The following FAM13A variants were observed in gnomAD, a reference collection of about 807,000 sequenced individuals.
FAM13A encodes family with sequence similarity 13 member A.
A neutral mutation model predicts 129.6 loss-of-function variants in FAM13A; 76 were observed. That is an observed-to-expected ratio of 0.59 (90% CI 0.49 to 0.71). The LOEUF (loss-of-function observed/expected upper bound fraction) is 0.71. Among genes scored for constraint, FAM13A ranks in the 30% least tolerant of loss-of-function variants. The pLI is 0.00. For synonymous variants in FAM13A, 443 were observed against 449.9 expected, an observed-to-expected ratio of 0.98 and a Z score of 0.20; for missense variants, 1,108 against 1,249.3, an observed-to-expected ratio of 0.89 and a Z score of 1.70.
chr4:89,053,625 T>C (rs1408562732), intron 1 of FAM13A, among the ~76,000 whole-genome samples: 2 of 152,098 alleles, frequency 1.3e-5, no homozygotes, highest in Non-Finnish European at 2.9e-5. Flanking sequence ...CTACGAGGCC[T>C]GGGGCATTCT....
intron 5 of FAM13A, chr4:88,937,812 C>T (rs180677100): frequency 4.2e-5 from 20 of 473,572 alleles, no homozygotes; most frequent in East Asian, 2.7e-4. Context: ...AAAGGTGGTG[C>T]GGCCAGTTGA....
At chr4:88,900,376 A>G (rs1747093676) in intron 6 of FAM13A, among the ~76,000 whole-genome samples, 1 of 152,028 alleles carries the variant, frequency 6.6e-6, no homozygotes, top group Admixed American at 6.6e-5. Context: ...TGAAAGAAAA[A>G]ATGTTAAGGG....
intron 6 of FAM13A, among the ~76,000 whole-genome samples, chr4:88,878,432 AT>A (rs1353317273): frequency 1.3e-5 from 2 of 151,826 alleles, no homozygotes; most frequent in Admixed American, 6.6e-5. Flanking sequence ...CTGGTAATGC[AT>A]TTTTTTCCTC....
At chr4:89,053,584 G>A (rs1041779193) in intron 1 of FAM13A, among the ~76,000 whole-genome samples, 1 of 152,076 alleles carries the variant, frequency 6.6e-6, no homozygotes. Flanking sequence ...TAAGACTACA[G>A]AAGCAGAGGT....
chr4:88,900,266 C>A (rs1484790451), intron 6 of FAM13A, among the ~76,000 whole-genome samples: 1 of 151,942 alleles, frequency 6.6e-6, no homozygotes, highest in Non-Finnish European at 1.5e-5. Flanking sequence ...AACAAGACAG[C>A]CCAACATTCA....
intron 7 of FAM13A, among the ~76,000 whole-genome samples, chr4:88,821,325 G>A (rs1219147529): frequency 2.0e-5 from 3 of 152,086 alleles, no homozygotes; most frequent in East Asian, 1.9e-4. Flanking sequence ...ACGTAACAGC[G>A]CTCTTCAGAA....
intron 8 of FAM13A, among the ~76,000 whole-genome samples, chr4:88,793,199 C>T (rs140741684): frequency 9.2e-4 from 140 of 152,046 alleles, no homozygotes; most frequent in Middle Eastern, 6.8e-3. Flanking sequence ...TTTTTAAATA[C>T]TGTAATCTAA....
At chr4:88,852,668 CTTA>C (rs1737805585) in intron 6 of FAM13A, among the ~76,000 whole-genome samples, 1 of 152,098 alleles carries the variant, frequency 6.6e-6, no homozygotes, top group Admixed American at 6.5e-5. Flanking sequence ...TTTTATTCTT[CTTA>C]TTAACATTTT....
Position 88,802,068 on chromosome 4 carries a change from T to C in FAM13A, c.1049+2943A>G, listed in dbSNP as rs149692689. ...CACCACCACCAAGTTGTTTTGATGC[T>C]CAGCTGAGCAACTGAGGTAGGGGCC... On this transcript the variant is annotated intron_variant, in intron 8 of 23. Transcript: ENST00000264344. Among the ~76,000 whole-genome samples the C allele has an allele frequency of 2.7e-3, 413 of 152,208 alleles. 2 individuals carry two copies. Among genetic ancestry groups the C allele is most frequent in the Non-Finnish European group, 4.1e-3 (281 of 67,986 alleles).
intron 2 of FAM13A, among the ~76,000 whole-genome samples, chr4:89,024,340 C>A (rs528569355): frequency 6.6e-5 from 10 of 152,120 alleles, no homozygotes; most frequent in African/African-American, 2.2e-4. Flanking sequence ...GAGAAAGAAG[C>A]CGTTAACATT....
chr4:88,850,556 C>T (rs1737394619), intron 7 of FAM13A, among the ~76,000 whole-genome samples: 1 of 145,480 alleles, frequency 6.9e-6, no homozygotes, highest in Non-Finnish European at 1.5e-5. Context: ...GACTGTGTCT[C>T]AAAAAAAAAA....
chr4:88,928,713 G>GC (rs1752587645), intron 5 of FAM13A, among the ~76,000 whole-genome samples: 1 of 151,384 alleles, frequency 6.6e-6, no homozygotes, highest in Non-Finnish European at 1.5e-5. Context: ...TGGGTTTCTT[G>GC]TGGGAGCATA....
intron 6 of FAM13A, among the ~76,000 whole-genome samples, chr4:88,863,001 A>C (rs894015797): frequency 1.3e-5 from 1 of 79,426 alleles, no homozygotes; most frequent in African/African-American, 4.8e-5. Context: ...GGGTGTGACA[A>C]ATATATACAT....
At chr4:88,899,727 C>T (rs1354286770) in intron 6 of FAM13A, among the ~76,000 whole-genome samples, 1 of 152,086 alleles carries the variant, frequency 6.6e-6, no homozygotes, top group East Asian at 1.9e-4. Flanking sequence ...AGTGTCTCTT[C>T]TCCAAATGAC....
chr4:89,017,384 C>T (rs1264281998), intron 3 of FAM13A, among the ~76,000 whole-genome samples: 1 of 151,956 alleles, frequency 6.6e-6, no homozygotes, highest in Non-Finnish European at 1.5e-5. Flanking sequence ...TTTATGACAC[C>T]TATCAACTTT....
At chr4:88,743,838 T>G (rs1436586817) in intron 19 of FAM13A, among the ~76,000 whole-genome samples, 1 of 152,172 alleles carries the variant, frequency 6.6e-6, no homozygotes, top group African/African-American at 2.4e-5. Flanking sequence ...TGTGAGAAAT[T>G]ATGTCATAGA....
intron 5 of FAM13A, among the ~76,000 whole-genome samples, chr4:88,916,873 CTTAA>C (rs1456767368): frequency 6.6e-6 from 1 of 151,930 alleles, no homozygotes; most frequent in Non-Finnish European, 1.5e-5. Context: ...TAGTAACTTC[CTTAA>C]TTGTTTATTG....
intron 6 of FAM13A, among the ~76,000 whole-genome samples, chr4:88,856,428 G>A (rs1314176814): frequency 6.6e-6 from 1 of 152,006 alleles, no homozygotes; most frequent in Non-Finnish European, 1.5e-5. Flanking sequence ...AGGCTGCAGT[G>A]AGCTGTGACC....
chr4:88,767,498 C>T, intron 13 of FAM13A, 55 bp downstream of exon 13: 1 of 1,337,776 alleles, frequency 7.5e-7, no homozygotes, highest in Non-Finnish European at 1.0e-6. Context: ...GAAGTACACT[C>T]AAGAGTGTAT....
Sources: gnomAD v4.1 joint callset for allele counts (sites outside exome capture counted in the v4.1 genomes callset) on GRCh38, gnomAD v4.1.1 for gene constraint, MANE v1.5 for transcripts, NCBI Gene and HGNC (gene_info 2026-07-23, HGNC 2026-07-21) for gene names.